AUTS2: variants seen among roughly 807,000 people sequenced by gnomAD.
AUTS2 encodes the protein activator of transcription and developmental regulator AUTS2.
AUTS2 carries 17 observed loss-of-function variants against 112.4 expected under a neutral mutation model. The observed-to-expected ratio is 0.15, with a 90% CI of 0.10 to 0.23. The LOEUF is 0.23. Among genes scored for constraint, AUTS2 ranks in the 10% least tolerant of loss-of-function variants. The pLI, the probability that AUTS2 is intolerant of heterozygous loss-of-function variation, is 1.00. For missense variants in AUTS2, 1,510 were observed against 1,701.6 expected (o/e 0.89, Z 1.98); for synonymous variants, 751 against 702.7 (o/e 1.07, Z -1.09).
chr7:70,014,830 T>C (rs1313046915), intron 2 of AUTS2, among the ~76,000 whole-genome samples: 1 of 152,248 alleles, frequency 6.6e-6, no homozygotes, highest in Non-Finnish European at 1.5e-5. Context: ...TCTGGTACAC[T>C]GGAACTGCCA....
At chr7:70,492,088 C>T (rs1023074438) in intron 5 of AUTS2, among the ~76,000 whole-genome samples, 1 of 152,138 alleles carries the variant, frequency 6.6e-6, no homozygotes, top group South Asian at 2.1e-4. Flanking sequence ...TCCACCCCAC[C>T]CCTCCCAGTG....
At position 70,675,737 on chromosome 7, in the gene AUTS2, A is replaced by G. The variant is rs77926796; in HGVS notation, c.691-22832A>G. Among the ~76,000 whole-genome samples the G allele has an allele frequency of 4.6e-3, 701 of 152,332 alleles. 13 individuals carry two copies. In the East Asian group the frequency reaches 0.051, roughly 11 times the overall value. On this transcript the variant is annotated intron_variant, in intron 5 of 18. Coordinates refer to ENST00000342771, the MANE Select transcript of AUTS2 (RefSeq NM_015570.4). ...TTGGCAGGGACAAAAGCACCTCTGCAAGCCTTGTCCATGTAGCATGGGCTT... is the reference window on the plus strand; with the variant it reads ...TTGGCAGGGACAAAAGCACCTCTGCGAGCCTTGTCCATGTAGCATGGGCTT...
intron 4 of AUTS2, among the ~76,000 whole-genome samples, chr7:70,363,267 A>G (rs73440741): frequency 0.022 from 3,331 of 152,228 alleles, 140 homozygotes; most frequent in African/African-American, 0.075. Flanking sequence ...TTAGATGACT[A>G]TTGGATTTCC....
chr7:70,629,065 C>T (rs1251776938), intron 5 of AUTS2, among the ~76,000 whole-genome samples: 3 of 152,166 alleles, frequency 2.0e-5, no homozygotes, highest in Admixed American at 2.0e-4. Flanking sequence ...GTTTGCTGTA[C>T]TGCCACAGAT....
At chr7:69,701,965 G>A (rs750030228) in intron 1 of AUTS2, among the ~76,000 whole-genome samples, 1 of 152,212 alleles carries the variant, frequency 6.6e-6, no homozygotes, top group Non-Finnish European at 1.5e-5. Flanking sequence ...GAGAAACCTG[G>A]AATAGTTGCC....
At chr7:69,647,763 G>C (rs1433688450) in intron 1 of AUTS2, among the ~76,000 whole-genome samples, 1 of 152,182 alleles carries the variant, frequency 6.6e-6, no homozygotes, top group Non-Finnish European at 1.5e-5. Flanking sequence ...TCATAGTTTT[G>C]GAGGCTAGGA....
At chr7:70,612,621 A>G (rs1156992412) in intron 5 of AUTS2, among the ~76,000 whole-genome samples, 2 of 152,118 alleles carry the variant, frequency 1.3e-5, no homozygotes, top group Non-Finnish European at 2.9e-5. Context: ...CCCAGACCTC[A>G]TTGTTCTTGT....
chr7:70,553,534 C>A (rs1383707993), intron 5 of AUTS2, among the ~76,000 whole-genome samples: 3 of 152,060 alleles, frequency 2.0e-5, no homozygotes, highest in African/African-American at 7.2e-5. Flanking sequence ...AGGCAGGCAG[C>A]CAAGTGTTGA....
intron 5 of AUTS2, among the ~76,000 whole-genome samples, chr7:70,619,475 G>A (rs1804553543): frequency 6.6e-6 from 1 of 151,934 alleles, no homozygotes; most frequent in South Asian, 2.1e-4. Flanking sequence ...CCCCAGGAGA[G>A]GAAGAGAGAG....
At chr7:70,645,124 A>G (rs540486008) in intron 5 of AUTS2, among the ~76,000 whole-genome samples, 1 of 152,278 alleles carries the variant, frequency 6.6e-6, no homozygotes, top group African/African-American at 2.4e-5. Flanking sequence ...TCAGGCTCAC[A>G]AGCGTTCTTC....
intron 2 of AUTS2, among the ~76,000 whole-genome samples, chr7:69,998,070 GA>G (rs1265297484): frequency 6.6e-6 from 1 of 152,020 alleles, no homozygotes; most frequent in Non-Finnish European, 1.5e-5. Flanking sequence ...GATTCTTTTT[GA>G]ATACACCCAA....
intron 1 of AUTS2, among the ~76,000 whole-genome samples, chr7:69,826,760 CTA>C (rs1791265123): frequency 6.6e-6 from 1 of 152,034 alleles, no homozygotes; most frequent in Non-Finnish European, 1.5e-5. Flanking sequence ...TTTTCTCAGT[CTA>C]TGTTGTGTGT....
chr7:70,569,478 T>C (rs1801849652), intron 5 of AUTS2, among the ~76,000 whole-genome samples: 1 of 152,228 alleles, frequency 6.6e-6, no homozygotes, highest in Non-Finnish European at 1.5e-5. Context: ...CATTTGCTGC[T>C]CAATATTGGT....
At chr7:70,536,370 G>C (rs550585757) in intron 5 of AUTS2, among the ~76,000 whole-genome samples, 1 of 151,990 alleles carries the variant, frequency 6.6e-6, no homozygotes, top group Non-Finnish European at 1.5e-5. Flanking sequence ...TATTGTATGC[G>C]CCTTTGCCCT....
rs1241517255 is a variant in AUTS2 at position 70,303,434 on chromosome 7, G to GCGCGCACACACACACACA, written c.661-132317_661-132316insGCGCACACACACACACAC. 6.7e-4 allele frequency among the ~76,000 whole-genome samples: 95 copies of GCGCGCACACACACACACA among 142,040 alleles called. 1 individual carries two copies. The highest frequency in any genetic ancestry group is 4.9e-3 in the East Asian group (23 of 4,716). 93.2% of individuals were successfully genotyped at this position (142,040 alleles called of 152,430 possible). On this transcript the variant is annotated intron_variant, in intron 4 of 18. Transcript: ENST00000342771. ...CACGCACACACACACGCGCGCGCGC[G>GCGCGCACACACACACACA]CACATACACACACACACACACACAC...
chr7:69,733,308 A>G (rs934567146), intron 1 of AUTS2, among the ~76,000 whole-genome samples: 11 of 152,320 alleles, frequency 7.2e-5, no homozygotes, highest in East Asian at 1.9e-4. Flanking sequence ...AACTATGTAT[A>G]TAGTCACTAT....
At chr7:69,775,594 G>A (rs141584820) in intron 1 of AUTS2, among the ~76,000 whole-genome samples, 162 of 152,250 alleles carry the variant, frequency 1.1e-3, no homozygotes, top group African/African-American at 3.9e-3. Context: ...GTGTAGCAGT[G>A]TCTGAAGCTG....
chr7:70,404,067 A>G (rs1794433424), intron 4 of AUTS2, among the ~76,000 whole-genome samples: 1 of 152,204 alleles, frequency 6.6e-6, no homozygotes, highest in Non-Finnish European at 1.5e-5. Context: ...CCTAATCTCC[A>G]TATCTTCCAT....
rs1212769786 is a variant in AUTS2 at position 70,003,609 on chromosome 7, ATG to A, written c.522+104115_522+104116del. On this transcript the variant is annotated intron_variant, in intron 2 of 18. Transcript: ENST00000342771. ...ATATATATGAATATGTTATATATGA[ATG>A]TGTTATATATGAGTATCTATAATAT... Among the ~76,000 whole-genome samples the A allele has an allele frequency of 4.1e-5, 5 of 121,844 alleles. No individual in the cohort carries two copies. In the South Asian group the frequency reaches 7.3e-4, roughly 18 times the overall value. The allele number at this position is 121,844 out of a possible 152,430, so 79.9% of individuals were successfully genotyped here.
Sources: gnomAD v4.1 joint callset for allele counts (sites outside exome capture counted in the v4.1 genomes callset) on GRCh38, gnomAD v4.1.1 for gene constraint, MANE v1.5 for transcripts, NCBI Gene and HGNC (gene_info 2026-07-23, HGNC 2026-07-21) for gene names.